The following MDGA2 variants were observed in gnomAD, a reference collection of about 807,000 sequenced individuals.
The protein encoded by MDGA2 is MAM domain-containing glycosylphosphatidylinositol anchor protein 2.
Under a neutral mutation model 117.8 loss-of-function variants are expected in MDGA2, and 40 were observed. The ratio of observed to expected loss-of-function variants is 0.34; its 90% CI spans 0.26 to 0.44. MDGA2 has a LOEUF of 0.44. Ranked by LOEUF, MDGA2 falls within the 20% of genes least tolerant of loss-of-function variation. The pLI, the probability that MDGA2 is intolerant of heterozygous loss-of-function variation, is 1.00. For missense variants in MDGA2, 1,123 were observed against 1,250.6 expected (o/e 0.90, Z 1.54); for synonymous variants, 452 against 439.0 (o/e 1.03, Z -0.37).
chr14:47,581,724 TG>T (rs1896231896), intron 1 of MDGA2, among the ~76,000 whole-genome samples: 1 of 151,948 alleles, frequency 6.6e-6, no homozygotes, highest in South Asian at 2.1e-4. Context: ...CATGCCCCAG[TG>T]GCCAATGGTC....
rs183425157 is a variant in MDGA2, at chr14:46,922,871, A to C, written c.2090-2711T>G. Among the ~76,000 whole-genome samples the C allele has an allele frequency of 2.1e-3, 315 of 152,352 alleles. 3 individuals carry two copies. The highest frequency in any genetic ancestry group is 8.9e-3 in the South Asian group (43 of 4,830). On this transcript the variant is annotated intron_variant, in intron 9 of 16. Coordinates refer to ENST00000399232, the MANE Select transcript of MDGA2 (RefSeq NM_001113498.3). ...GGGGCAAGACTGAGAGACATCAGATAATGCGGATGGAGCGAAGTAGGATAG... is the reference window on the plus strand; with the variant it reads ...GGGGCAAGACTGAGAGACATCAGATCATGCGGATGGAGCGAAGTAGGATAG...
chr14:46,895,014 A>T (rs1300029532), intron 10 of MDGA2, among the ~76,000 whole-genome samples: 1 of 152,200 alleles, frequency 6.6e-6, no homozygotes, highest in African/African-American at 2.4e-5. Flanking sequence ...TTTCTTCATC[A>T]GGTAGGTTTT....
intron 5 of MDGA2, among the ~76,000 whole-genome samples, chr14:47,121,927 G>A (rs1457246478): frequency 2.0e-5 from 3 of 151,902 alleles, no homozygotes; most frequent in Admixed American, 6.6e-5. Flanking sequence ...AATCATGTAA[G>A]CCCCATGTAT....
Position 46,904,033 on chromosome 14 carries a change from T to C in MDGA2, c.2238+15979A>G, listed in dbSNP as rs538824058. Among the ~76,000 whole-genome samples the C allele has an allele frequency of 3.3e-5, 5 of 152,234 alleles. 1 individual carries two copies. The highest frequency in any genetic ancestry group is 9.6e-5 in the African/African-American group (4 of 41,540). ...GCTTTATAAACAAGGGTGTTTTCAG[T>C]GTATCCATTTGTTACTGAAAGGAAG... On this transcript the variant is annotated intron_variant, in intron 10 of 16. Coordinates refer to ENST00000399232, the MANE Select transcript of MDGA2 (RefSeq NM_001113498.3).
At chr14:47,084,363 T>C (rs1375124059) in intron 6 of MDGA2, among the ~76,000 whole-genome samples, 1 of 151,884 alleles carries the variant, frequency 6.6e-6, no homozygotes, top group Non-Finnish European at 1.5e-5. Context: ...AAACAGAAGA[T>C]ATCAAAATTT....
chr14:47,429,644 T>C (rs1377241970), intron 1 of MDGA2, among the ~76,000 whole-genome samples: 3 of 152,142 alleles, frequency 2.0e-5, no homozygotes, highest in Admixed American at 6.6e-5. Context: ...TTCATGCAAA[T>C]GCTTAGTGCC....
intron 1 of MDGA2, among the ~76,000 whole-genome samples, chr14:47,393,373 G>A (rs939010136): frequency 1.4e-5 from 2 of 140,966 alleles, no homozygotes; most frequent in Non-Finnish European, 3.0e-5. Context: ...CTTCAATTTT[G>A]GGAAAATTTT....
At chr14:46,877,305 A>G (rs971383369) in intron 12 of MDGA2, among the ~76,000 whole-genome samples, 184 bp downstream of exon 12, 1 of 151,694 alleles carries the variant, frequency 6.6e-6, no homozygotes, top group Admixed American at 6.6e-5. Flanking sequence ...GTATTAAAAA[A>G]TTGTATTTAT....
intron 9 of MDGA2, among the ~76,000 whole-genome samples, chr14:46,949,350 CTTTT>C (rs1202608250): frequency 6.6e-6 from 1 of 151,812 alleles, no homozygotes; most frequent in Non-Finnish European, 1.5e-5. Flanking sequence ...ACTGTGATTT[CTTTT>C]TTATTATTTT....
chr14:47,058,631 A>G (rs1308419915), intron 7 of MDGA2: 1 of 984,972 alleles, frequency 1.0e-6, no homozygotes, highest in Non-Finnish European at 1.2e-6. Flanking sequence ...GATAAATATC[A>G]TTTTAATGAT....
intron 2 of MDGA2, among the ~76,000 whole-genome samples, chr14:47,226,251 A>AAAT (rs1484472495): frequency 1.3e-5 from 2 of 151,514 alleles, no homozygotes; most frequent in South Asian, 2.1e-4. Flanking sequence ...ATAAATAAAT[A>AAAT]AATAAATAAA....
chr14:46,995,608 C>A (rs1426855788), intron 8 of MDGA2, among the ~76,000 whole-genome samples: 2 of 151,484 alleles, frequency 1.3e-5, no homozygotes, highest in African/African-American at 4.8e-5. Context: ...ATAAGTCTTG[C>A]CAGTTGTTCT....
intron 1 of MDGA2, among the ~76,000 whole-genome samples, chr14:47,572,351 G>A (rs1312540559): frequency 1.3e-5 from 2 of 152,136 alleles, no homozygotes; most frequent in African/African-American, 4.8e-5. Context: ...CATATTTTAT[G>A]TATTAGATTA....
Position 47,073,637 on chromosome 14 carries a change from T to C in MDGA2, c.1196-12059A>G, listed in dbSNP as rs547978133. Reference sequence around the variant, plus strand: ...ATAAAGACAAAGACTGACAGTATTTTATTATAAGACAACTCATTATTGTGA... The same window carrying C: ...ATAAAGACAAAGACTGACAGTATTTCATTATAAGACAACTCATTATTGTGA... On this transcript the variant is annotated intron_variant, in intron 6 of 16. Transcript: ENST00000399232. Among the ~76,000 whole-genome samples, 3 of 152,330 alleles carry C rather than the reference T, an allele frequency of 2.0e-5. No homozygotes were observed. The South Asian group carries it at 6.2e-4, about 32-fold the overall frequency.
chr14:46,914,824 A>T (rs1883839461), intron 10 of MDGA2, among the ~76,000 whole-genome samples: 1 of 152,146 alleles, frequency 6.6e-6, no homozygotes, highest in African/African-American at 2.4e-5. Context: ...GTACTAGATA[A>T]CCTAGGTATT....
chr14:47,637,778 T>C (rs1396154600), intron 1 of MDGA2, among the ~76,000 whole-genome samples: 1 of 152,242 alleles, frequency 6.6e-6, no homozygotes, highest in East Asian at 1.9e-4. Context: ...TCAGATATGA[T>C]ATACGTAATA....
At chr14:47,442,897 T>C (rs73258178) in intron 1 of MDGA2, among the ~76,000 whole-genome samples, 4,764 of 152,148 alleles carry the variant, frequency 0.031, 247 homozygotes, top group African/African-American at 0.11. Context: ...ATATGAATCA[T>C]CCCTTTGTTC....
chr14:47,015,806 C>T (rs73241242), intron 8 of MDGA2, among the ~76,000 whole-genome samples: 205 of 152,004 alleles, frequency 1.3e-3, no homozygotes, highest in African/African-American at 4.7e-3. Context: ...GAGAAAGATA[C>T]TGATAAAATT....
chr14:47,364,301 G>A (rs1009183842), intron 1 of MDGA2, among the ~76,000 whole-genome samples: 6 of 152,138 alleles, frequency 3.9e-5, no homozygotes, highest in African/African-American at 1.4e-4. Context: ...GTCTCCCTCT[G>A]GAGCACAGGC....
Sources: allele counts gnomAD v4.1 joint callset (sites outside exome capture counted in the v4.1 genomes callset), GRCh38; gene constraint gnomAD v4.1.1; transcripts MANE v1.5; gene names NCBI Gene and HGNC (gene_info 2026-07-23, HGNC 2026-07-21).